NFIA: variants seen among roughly 807,000 people sequenced by gnomAD.
NFIA encodes nuclear factor 1 A-type.
In NFIA, 8 loss-of-function variants were observed where a neutral mutation model predicts 62.8. That is an observed-to-expected ratio of 0.13 (90% CI 0.07 to 0.23). NFIA has a LOEUF of 0.23. Ranked by LOEUF, NFIA falls within the 10% of genes least tolerant of loss-of-function variation. The probability of loss-of-function intolerance (pLI) is 1.00; values close to 1 mark genes in which losing one functional copy is unlikely to be tolerated. For synonymous variants in NFIA, 235 were observed against 238.1 expected (o/e 0.99, Z 0.12); for missense variants, 410 against 642.1 (o/e 0.64, Z 3.91).
At chr1:61,419,593 C>T (rs1325509676) in intron 9 of NFIA, among the ~76,000 whole-genome samples, 2 of 152,162 alleles carry the variant, frequency 1.3e-5, no homozygotes, top group African/African-American at 4.8e-5. Flanking sequence ...AATTCTCTTG[C>T]ACCTCCCTTT....
chr1:61,106,966 A>AT (rs1646613535), intron 2 of NFIA, among the ~76,000 whole-genome samples: 1 of 151,456 alleles, frequency 6.6e-6, no homozygotes. Flanking sequence ...ATATATATAT[A>AT]AATACATATA....
At chr1:61,310,105 G>T (rs1423896138) in intron 3 of NFIA, among the ~76,000 whole-genome samples, 2 of 152,326 alleles carry the variant, frequency 1.3e-5, no homozygotes, top group African/African-American at 4.8e-5. Context: ...GAGTTGCTCA[G>T]TTAAGATGTA....
intron 3 of NFIA, among the ~76,000 whole-genome samples, chr1:61,296,219 C>T (rs1448137782): frequency 6.6e-6 from 1 of 152,172 alleles, no homozygotes; most frequent in Non-Finnish European, 1.5e-5. Flanking sequence ...TCCAGTTGAT[C>T]CAGAATACAC....
chr1:61,452,769 C>G (rs1668115456), intron 10 of NFIA, among the ~76,000 whole-genome samples: 1 of 152,184 alleles, frequency 6.6e-6, no homozygotes, highest in African/African-American at 2.4e-5. Context: ...AAAAACTAAC[C>G]TTTAAAGTAA....
At chr1:61,370,697 C>T (rs1381841637) in intron 6 of NFIA, among the ~76,000 whole-genome samples, 1 of 152,132 alleles carries the variant, frequency 6.6e-6, no homozygotes, top group Non-Finnish European at 1.5e-5. Flanking sequence ...TGGTCCAGCA[C>T]GCTCAGCCCA....
chr1:61,114,839 C>T (rs1646769489), intron 2 of NFIA, among the ~76,000 whole-genome samples: 3 of 152,152 alleles, frequency 2.0e-5, no homozygotes, highest in South Asian at 2.1e-4. Context: ...TGATCTCAAA[C>T]ACCACATTTT....
chr1:61,133,309 T>TA (rs1647114883), intron 2 of NFIA, among the ~76,000 whole-genome samples: 2 of 151,852 alleles, frequency 1.3e-5, no homozygotes, highest in Admixed American at 6.6e-5. Context: ...ATGCAGTTCT[T>TA]AAAAAATAAT....
intron 2 of NFIA, among the ~76,000 whole-genome samples, chr1:61,216,782 T>G (rs560397861): frequency 1.3e-5 from 2 of 152,152 alleles, no homozygotes; most frequent in African/African-American, 4.8e-5. Flanking sequence ...GGCAGATCAC[T>G]TAAAGTCAGG....
chr1:61,193,596 A>C (rs975121641), intron 2 of NFIA, among the ~76,000 whole-genome samples: 1 of 152,152 alleles, frequency 6.6e-6, no homozygotes, highest in African/African-American at 2.4e-5. Flanking sequence ...TAGTTCTGCA[A>C]ATGTTTTTTC....
In NFIA at chr1:61,214,280, C is replaced by T. The variant is rs917636908; in HGVS notation, c.560-63240C>T. On this transcript the variant is annotated intron_variant, in intron 2 of 10. Coordinates refer to ENST00000403491, the MANE Select transcript of NFIA (RefSeq NM_001134673.4). Reference sequence around the variant, plus strand: ...ATGTTCCTTGCTGGAAGTTGCTTTTCCAGTTTGGATCAAACCACTTAAGTG... The same window carrying T: ...ATGTTCCTTGCTGGAAGTTGCTTTTTCAGTTTGGATCAAACCACTTAAGTG... Among the ~76,000 whole-genome samples, 252 of 151,950 alleles carry T rather than the reference C, an allele frequency of 1.7e-3. 3 individuals carry two copies. The highest frequency in any genetic ancestry group is 4.6e-4 in the Non-Finnish European group (31 of 67,976).
In NFIA at chr1:61,212,032, C is replaced by T. The variant is rs114546561; in HGVS notation, c.560-65488C>T. On this transcript the variant is annotated intron_variant, in intron 2 of 10. Transcript: ENST00000403491. Reference sequence around the variant, plus strand: ...AGTTTTAGTCTTCATGAGTCTTATGCGCTTAGGGTGTGGATTTAAATTAGC... The same window carrying T: ...AGTTTTAGTCTTCATGAGTCTTATGTGCTTAGGGTGTGGATTTAAATTAGC... 4.8e-3 allele frequency among the ~76,000 whole-genome samples: 737 copies of T among 152,214 alleles called. 5 individuals carry two copies. The highest frequency in any genetic ancestry group is 8.2e-3 in the Admixed American group (125 of 15,282).
intron 2 of NFIA, among the ~76,000 whole-genome samples, chr1:61,108,295 T>A (rs952086643): frequency 6.6e-6 from 1 of 151,666 alleles, no homozygotes; most frequent in Non-Finnish European, 1.5e-5. Context: ...TTTATTTAGA[T>A]CTTATTCTTG....
intron 7 of NFIA, among the ~76,000 whole-genome samples, chr1:61,396,253 T>A (rs902073462): frequency 1.3e-5 from 2 of 152,184 alleles, no homozygotes; most frequent in Non-Finnish European, 2.9e-5. Context: ...TGTTTGTTGG[T>A]TGGTTTTTTA....
At chr1:61,216,226 T>A (rs1390527094) in intron 2 of NFIA, among the ~76,000 whole-genome samples, 1 of 152,210 alleles carries the variant, frequency 6.6e-6, no homozygotes, top group African/African-American at 2.4e-5. Flanking sequence ...GTTTGCATAA[T>A]CGTCCAGTGC....
Position 61,452,419 on chromosome 1 carries a change from T to G in NFIA, c.1513-2884T>G, listed in dbSNP as rs560989776. On this transcript the variant is annotated intron_variant, in intron 10 of 10. Transcript: ENST00000403491. ...TAGCTGGGTTAATTGTCATGAAGAT[T>G]AGTGTGATGTTGAAATAAGTACTAA... 9.2e-5 allele frequency among the ~76,000 whole-genome samples: 14 copies of G among 152,260 alleles called. No homozygotes were observed. The East Asian group carries it at 2.3e-3, about 25-fold the overall frequency.
At chr1:61,451,657 CCACA>C in intron 10 of NFIA, among the ~76,000 whole-genome samples, 1 of 152,150 alleles carries the variant, frequency 6.6e-6, no homozygotes, top group Non-Finnish European at 1.5e-5. Flanking sequence ...TTGTGGACCT[CCACA>C]ACAACTATAG....
intron 3 of NFIA, among the ~76,000 whole-genome samples, chr1:61,317,889 C>T (rs1173950552): frequency 6.6e-6 from 1 of 152,002 alleles, no homozygotes; most frequent in Non-Finnish European, 1.5e-5. Context: ...TTTCATTATT[C>T]CTAATGACAA....
intron 3 of NFIA, among the ~76,000 whole-genome samples, chr1:61,313,886 C>G (rs1027937280): frequency 6.6e-6 from 1 of 152,118 alleles, no homozygotes; most frequent in East Asian, 1.9e-4. Flanking sequence ...GTTGAAATCC[C>G]GACTCTACCA....
intron 2 of NFIA, among the ~76,000 whole-genome samples, chr1:61,232,811 C>T (rs1654760438): frequency 6.6e-6 from 1 of 151,920 alleles, no homozygotes; most frequent in South Asian, 2.1e-4. Context: ...TTTTGAAACC[C>T]ATCTCAAGCT....
Sources: gnomAD v4.1 joint callset for allele counts (sites outside exome capture counted in the v4.1 genomes callset) on GRCh38, gnomAD v4.1.1 for gene constraint, MANE v1.5 for transcripts, NCBI Gene and HGNC (gene_info 2026-07-23, HGNC 2026-07-21) for gene names.